The following ARHGEF3 variants were observed in gnomAD, a reference collection of about 807,000 sequenced individuals.
The protein encoded by ARHGEF3 is Rho guanine nucleotide exchange factor 3, also known as 59.8 kDA protein.
Under a neutral mutation model 63.2 loss-of-function variants are expected in ARHGEF3, and 28 were observed. The ratio of observed to expected loss-of-function variants is 0.44; its 90% CI spans 0.33 to 0.61. ARHGEF3 has a LOEUF of 0.61. Ranked by LOEUF, ARHGEF3 falls within the 20% of genes least tolerant of loss-of-function variation. The probability of loss-of-function intolerance (pLI) is 0.03; values close to 1 mark genes in which losing one functional copy is unlikely to be tolerated. For missense variants in ARHGEF3, 533 were observed against 659.3 expected (o/e 0.81, Z 2.10); for synonymous variants, 266 against 254.2 (o/e 1.05, Z -0.44).
chr3:56,896,675 C>T (rs955035379), intron 3 of ARHGEF3, among the ~76,000 whole-genome samples: 5 of 152,098 alleles, frequency 3.3e-5, no homozygotes, highest in African/African-American at 9.7e-5. Flanking sequence ...AGGCCAGTTA[C>T]GTTGTATAAT....
intron 2 of ARHGEF3, among the ~76,000 whole-genome samples, chr3:56,986,797 C>T (rs1701558412): frequency 7.4e-6 from 1 of 135,260 alleles, no homozygotes; most frequent in Non-Finnish European, 1.6e-5. Flanking sequence ...AGGATAAACG[C>T]ATGCGAATTT....
At chr3:57,041,177 G>C (rs755420481) in intron 1 of ARHGEF3, among the ~76,000 whole-genome samples, 18 of 152,172 alleles carry the variant, frequency 1.2e-4, no homozygotes, top group Non-Finnish European at 2.1e-4. Context: ...CTGATTGTAT[G>C]TGAACTTCCA....
At chr3:56,997,309 A>G (rs993467298) in intron 2 of ARHGEF3, among the ~76,000 whole-genome samples, 7 of 152,034 alleles carry the variant, frequency 4.6e-5, no homozygotes, top group African/African-American at 1.4e-4. Flanking sequence ...GTCCACTCAC[A>G]TGCCCTGTGG....
chr3:57,032,848 C>T (rs1253428189), intron 2 of ARHGEF3, among the ~76,000 whole-genome samples: 2 of 152,086 alleles, frequency 1.3e-5, no homozygotes, highest in Non-Finnish European at 2.9e-5. Context: ...TCCTTGGATG[C>T]TTCTCAGAAG....
At chr3:56,944,148 G>A (rs1246043965) in intron 3 of ARHGEF3, among the ~76,000 whole-genome samples, 1 of 152,148 alleles carries the variant, frequency 6.6e-6, no homozygotes, top group East Asian at 1.9e-4. Context: ...ACTCCAGCAT[G>A]GATGACAGAG....
At chr3:57,032,496 G>A (rs1703774477) in intron 2 of ARHGEF3, among the ~76,000 whole-genome samples, 1 of 152,182 alleles carries the variant, frequency 6.6e-6, no homozygotes, top group African/African-American at 2.4e-5. Context: ...TAGAAACCAG[G>A]GATCCATGGT....
chr3:56,782,827 G>A (rs2036623387), intron 1 of ARHGEF3, among the ~76,000 whole-genome samples: 1 of 152,164 alleles, frequency 6.6e-6, no homozygotes, highest in South Asian at 2.1e-4. Context: ...TCTCATGGAA[G>A]TGCTAAAGAG....
chr3:56,728,747 T>C lies in ARHGEF3; in HGVS notation c.*523A>G, dbSNP rs1382839299. 2 of 153,302 alleles carry C rather than the reference T, an allele frequency of 1.3e-5. No homozygotes were observed. The highest frequency in any genetic ancestry group is 4.8e-5 in the African/African-American group (2 of 41,456). The allele number at this position is 153,302 out of a possible 1,614,324, so 9.5% of individuals were successfully genotyped here. ...AGAATCCCCAGGGATGTTTTCAAGCTTTCTAGTTGAGTAAGATCAAACCAA... is the reference window on the plus strand; with the variant it reads ...AGAATCCCCAGGGATGTTTTCAAGCCTTCTAGTTGAGTAAGATCAAACCAA... On this transcript the variant is annotated 3_prime_UTR_variant, in exon 10 of 10. Transcript: ENST00000296315.
chr3:56,895,282 G>A (rs981927828), intron 3 of ARHGEF3, among the ~76,000 whole-genome samples: 2 of 152,106 alleles, frequency 1.3e-5, no homozygotes, highest in African/African-American at 4.8e-5. Flanking sequence ...TCCCGAGTTA[G>A]TCATGACTAC....
At chr3:57,042,529 C>T (rs1704229128) in intron 1 of ARHGEF3, among the ~76,000 whole-genome samples, 1 of 150,870 alleles carries the variant, frequency 6.6e-6, no homozygotes, top group East Asian at 2.0e-4. Context: ...GGTTTGTTGG[C>T]CATGGTGGGA....
At chr3:56,967,580 C>A (rs1464007916) in intron 2 of ARHGEF3, among the ~76,000 whole-genome samples, 3 of 81,786 alleles carry the variant, frequency 3.7e-5, no homozygotes, top group East Asian at 3.8e-4. Context: ...ATATATTATA[C>A]ATAATATATT....
intron 3 of ARHGEF3, among the ~76,000 whole-genome samples, chr3:56,951,996 A>G (rs1217574149): frequency 6.6e-6 from 1 of 151,946 alleles, no homozygotes; most frequent in African/African-American, 2.4e-5. Flanking sequence ...GGTCCCCAAG[A>G]TTCCCATCCT....
intron 4 of ARHGEF3, among the ~76,000 whole-genome samples, chr3:56,824,855 G>C (rs2108051137): frequency 6.6e-6 from 1 of 152,336 alleles, no homozygotes; most frequent in African/African-American, 2.4e-5. Flanking sequence ...AAGAGCTAAT[G>C]ATATAACAGG....
intron 3 of ARHGEF3, among the ~76,000 whole-genome samples, chr3:56,936,766 C>G (rs1276552887): frequency 6.6e-6 from 1 of 152,230 alleles, no homozygotes; most frequent in Non-Finnish European, 1.5e-5. Flanking sequence ...ATTGCCCAGG[C>G]TGGACTGCAG....
chr3:56,892,902 G>A lies in ARHGEF3; in HGVS notation c.130-10548C>T, dbSNP rs112344800. Among the ~76,000 whole-genome samples the A allele has an allele frequency of 2.0e-3, 309 of 152,352 alleles. 2 individuals are homozygous for A. The highest frequency in any genetic ancestry group is 6.9e-3 in the African/African-American group (286 of 41,584). ...GGCCTTTAACCCTAGGGAGAGCACA[G>A]TGCAAAGCTCCCTTTCAATCACTGG... On this transcript the variant is annotated intron_variant, in intron 3 of 12. Transcript: ENST00000338458.
intron 4 of ARHGEF3, among the ~76,000 whole-genome samples, chr3:56,877,392 T>TTTTA (rs2040621143): frequency 6.6e-6 from 1 of 151,004 alleles, no homozygotes. Context: ...TTTTTTTTTT[T>TTTTA]GAGATAGGGT....
chr3:56,946,058 G>A (rs1178078442), intron 3 of ARHGEF3, among the ~76,000 whole-genome samples: 2 of 152,192 alleles, frequency 1.3e-5, no homozygotes, highest in East Asian at 3.9e-4. Flanking sequence ...CAGACCCGCA[G>A]CTGAGGGTCC....
intron 3 of ARHGEF3, among the ~76,000 whole-genome samples, chr3:56,904,654 G>A (rs559105963): frequency 9.2e-5 from 14 of 152,276 alleles, no homozygotes; most frequent in South Asian, 8.3e-4. Flanking sequence ...ATCTGCTCCT[G>A]CAATCAAGCT....
intron 4 of ARHGEF3, among the ~76,000 whole-genome samples, chr3:56,876,865 T>G (rs1326577823): frequency 6.6e-6 from 1 of 152,126 alleles, no homozygotes; most frequent in East Asian, 1.9e-4. Context: ...GGGGCTTTCC[T>G]AAAGGGTGGC....
Sources: allele counts gnomAD v4.1 joint callset (sites outside exome capture counted in the v4.1 genomes callset), GRCh38; gene constraint gnomAD v4.1.1; transcripts MANE v1.5; gene names NCBI Gene and HGNC (gene_info 2026-07-23, HGNC 2026-07-21).